Variants in SDK1 observed in about 807,000 individuals in gnomAD.
SDK1 encodes the protein sidekick cell adhesion molecule 1, also known as protein sidekick-1.
A neutral mutation model predicts 245.5 loss-of-function variants in SDK1; 157 were observed. That is an observed-to-expected ratio of 0.64 (90% CI 0.56 to 0.73). The LOEUF is 0.73. Among genes scored for constraint, SDK1 ranks in the 30% least tolerant of loss-of-function variants. The pLI is 0.00. For missense variants in SDK1, 3,583 were observed against 3,002.3 expected (o/e 1.19, Z -4.52); for synonymous variants, 1,647 against 1,278.5 (o/e 1.29, Z -6.15).
intron 20 of SDK1, among the ~76,000 whole-genome samples, chr7:4,072,987 G>T (rs1780356963): frequency 6.6e-6 from 1 of 152,252 alleles, no homozygotes; most frequent in Non-Finnish European, 1.5e-5. Flanking sequence ...ATTTATGAGG[G>T]CCAGGATGCA....
chr7:3,933,035 C>T (rs1476226168), intron 5 of SDK1, among the ~76,000 whole-genome samples: 1 of 151,854 alleles, frequency 6.6e-6, no homozygotes, highest in Non-Finnish European at 1.5e-5. Flanking sequence ...TGGTAGACGA[C>T]ACAGCCCAGC....
intron 1 of SDK1, among the ~76,000 whole-genome samples, chr7:3,449,721 G>A (rs1780453273): frequency 6.6e-6 from 1 of 152,188 alleles, no homozygotes; most frequent in Admixed American, 6.5e-5. Context: ...ACACTGAGCG[G>A]CAGAGACCTG....
At chr7:3,532,089 C>T (rs1368412199) in intron 1 of SDK1, among the ~76,000 whole-genome samples, 1 of 152,168 alleles carries the variant, frequency 6.6e-6, no homozygotes, top group African/African-American at 2.4e-5. Context: ...GTAGAACATA[C>T]TTTCTACCTT....
intron 1 of SDK1, among the ~76,000 whole-genome samples, chr7:3,345,666 C>A (rs149144816): frequency 6.6e-5 from 10 of 152,030 alleles, no homozygotes; most frequent in South Asian, 2.1e-4. Context: ...GATGGTGGCA[C>A]GGCTGAAAAG....
intron 5 of SDK1, among the ~76,000 whole-genome samples, chr7:3,840,800 C>T (rs1270498515): frequency 3.3e-5 from 5 of 152,198 alleles, no homozygotes; most frequent in Admixed American, 3.3e-4. Context: ...CTTGGATTCA[C>T]ATTAGACATG....
intron 2 of SDK1, among the ~76,000 whole-genome samples, chr7:3,625,942 CTTTTT>C (rs3086084): frequency 1.5e-5 from 2 of 129,796 alleles, no homozygotes. Context: ...TCTTTTCTTT[CTTTTT>C]TTTTTTTTTT....
intron 38 of SDK1, among the ~76,000 whole-genome samples, chr7:4,219,311 T>G (rs762594501): frequency 9.9e-5 from 15 of 152,154 alleles, no homozygotes; most frequent in African/African-American, 1.2e-4. Flanking sequence ...ACGCTCCCTG[T>G]GTTAATCTGT....
Position 4,002,377 on chromosome 7 carries a change from G to A in SDK1, c.2132-8589G>A, listed in dbSNP as rs74553652. 2.4e-3 allele frequency among the ~76,000 whole-genome samples: 364 copies of A among 152,290 alleles called. 2 individuals are homozygous for A. The highest frequency in any genetic ancestry group is 8.3e-3 in the African/African-American group (343 of 41,558). ...ACTGTGTTATTTCTGTTCATGTGACGACAGTAATTTAAGGGCGCTTTAATA... is the reference window on the plus strand; with the variant it reads ...ACTGTGTTATTTCTGTTCATGTGACAACAGTAATTTAAGGGCGCTTTAATA... On this transcript the variant is annotated intron_variant, in intron 14 of 44. Coordinates refer to ENST00000404826, the MANE Select transcript of SDK1 (RefSeq NM_152744.4).
rs1174846913 is a variant in SDK1, at chr7:4,172,777, G to A, written c.4801-1445G>A. ...CCGGTGGCCGATGACAACTCTTGGC[G>A]TTTTTCACTTATGGACGCGTTACTC... On this transcript the variant is annotated intron_variant, in intron 32 of 44. Transcript: ENST00000404826. Among the ~76,000 whole-genome samples the A allele has an allele frequency of 2.6e-5, 4 of 152,098 alleles. 1 individual carries two copies. Among genetic ancestry groups the A allele is most frequent in the South Asian group, 4.2e-4 (2 of 4,810 alleles).
intron 13 of SDK1, among the ~76,000 whole-genome samples, chr7:3,984,506 C>T (rs763480253): frequency 5.9e-5 from 9 of 152,182 alleles, no homozygotes; most frequent in Non-Finnish European, 1.0e-4. Context: ...AGAAAGTGTG[C>T]AGAGACACAG....
intron 4 of SDK1, among the ~76,000 whole-genome samples, chr7:3,697,931 G>A (rs1162843624): frequency 6.6e-6 from 1 of 152,150 alleles, no homozygotes; most frequent in Non-Finnish European, 1.5e-5. Context: ...GAAAAGCATA[G>A]GAAGATACTG....
intron 14 of SDK1, among the ~76,000 whole-genome samples, chr7:3,998,432 TTATG>T (rs1470119224): frequency 6.6e-6 from 1 of 152,254 alleles, no homozygotes; most frequent in Non-Finnish European, 1.5e-5. Context: ...TTTTTTAAAA[TTATG>T]TAGGAAAATG....
At chr7:4,143,373 T>G (rs1779712516) in intron 28 of SDK1, among the ~76,000 whole-genome samples, 1 of 152,082 alleles carries the variant, frequency 6.6e-6, no homozygotes, top group South Asian at 2.1e-4. Context: ...ACTGCAATTG[T>G]TTTATAATAA....
chr7:3,357,709 C>G (rs1780843158), intron 1 of SDK1, among the ~76,000 whole-genome samples: 1 of 152,112 alleles, frequency 6.6e-6, no homozygotes, highest in Admixed American at 6.5e-5. Context: ...TAGGCCCTCA[C>G]ATCCCTCCAC....
chr7:3,473,179 A>G (rs1210585594), intron 1 of SDK1, among the ~76,000 whole-genome samples: 3 of 152,172 alleles, frequency 2.0e-5, no homozygotes, highest in Non-Finnish European at 4.4e-5. Context: ...ACACCTGCAA[A>G]CCAGTGAACT....
intron 14 of SDK1, among the ~76,000 whole-genome samples, chr7:4,009,243 A>C (rs1785745271): frequency 6.6e-6 from 1 of 152,214 alleles, no homozygotes; most frequent in Admixed American, 6.5e-5. Context: ...TCTACATACC[A>C]GTTCTCTTCA....
intron 1 of SDK1, among the ~76,000 whole-genome samples, chr7:3,616,487 C>T (rs370983845): frequency 6.6e-6 from 1 of 152,212 alleles, no homozygotes; most frequent in African/African-American, 2.4e-5. Context: ...CATGTTTGCT[C>T]CCACCAGAGG....
chr7:3,971,821 C>A (rs978336087), intron 12 of SDK1, among the ~76,000 whole-genome samples: 2 of 152,110 alleles, frequency 1.3e-5, no homozygotes, highest in African/African-American at 4.8e-5. Flanking sequence ...TTTTTCCTGC[C>A]AAGGTTAATA....
chr7:3,716,766 A>G (rs1346450718), intron 4 of SDK1, among the ~76,000 whole-genome samples: 1 of 151,238 alleles, frequency 6.6e-6, no homozygotes, highest in African/African-American at 2.4e-5. Flanking sequence ...CTCACCAAAA[A>G]AAAAGAAAAA....
Sources: allele counts gnomAD v4.1 joint callset (sites outside exome capture counted in the v4.1 genomes callset), GRCh38; gene constraint gnomAD v4.1.1; transcripts MANE v1.5; gene names NCBI Gene and HGNC (gene_info 2026-07-23, HGNC 2026-07-21).